The following CMTM7 variants were observed in gnomAD, a reference collection of about 807,000 sequenced individuals.
The protein encoded by CMTM7 is CKLF like MARVEL transmembrane domain containing 7.
A neutral mutation model predicts 19.3 loss-of-function variants in CMTM7; 7 were observed. That is an observed-to-expected ratio of 0.36 (90% CI 0.21 to 0.68). CMTM7 has a LOEUF of 0.68. Ranked by LOEUF, CMTM7 falls within the 30% of genes least tolerant of loss-of-function variation. The pLI, the probability that CMTM7 is intolerant of heterozygous loss-of-function variation, is 0.60. For missense variants in CMTM7, 193 were observed against 232.6 expected, an observed-to-expected ratio of 0.83 and a Z score of 1.11; for synonymous variants, 87 against 99.3, an observed-to-expected ratio of 0.88 and a Z score of 0.74.
intron 1 of CMTM7, among the ~76,000 whole-genome samples, chr3:32,413,526 C>T (rs1696211339): frequency 6.6e-6 from 1 of 152,318 alleles, no homozygotes; most frequent in Non-Finnish European, 1.5e-5. Context: ...TAATCTTCAT[C>T]TCCATTATAA....
chr3:32,391,912 G>T lies in CMTM7; in HGVS notation c.6G>T (p.Ser2=). The change falls in exon 1 of 5, where the codon TCG becomes TCT. Residue 2 remains serine (S), a synonymous_variant. Coordinates refer to ENST00000334983, the MANE Select transcript of CMTM7 (RefSeq NM_138410.4). The stretch of plus-strand genomic sequence containing the variant: ...CAGCGAGCTGGGGCCGCGCAATGTC[G>T]CACGGAGCCGGGCTCGTCCGCACCA... The part of the protein sequence containing the change: M[S]HGAGLVRTTC... 1 of 1,222,416 alleles carries T rather than the reference G, an allele frequency of 8.2e-7. No homozygotes were observed. The highest frequency in any genetic ancestry group is 1.0e-6 in the Non-Finnish European group (1 of 981,796). The allele number at this position is 1,222,416 out of a possible 1,614,324, so 75.7% of individuals were successfully genotyped here. A position where few individuals can be genotyped will look rare whatever the true frequency, so the allele number is the denominator to read the frequency against.
chr3:32,394,820 C>T (rs767754142), intron 1 of CMTM7, among the ~76,000 whole-genome samples: 2 of 151,922 alleles, frequency 1.3e-5, no homozygotes, highest in East Asian at 1.9e-4. Flanking sequence ...CTCAGCCTCA[C>T]GAGTAGCTGG....
chr3:32,396,782 G>C (rs1035267741), intron 1 of CMTM7, among the ~76,000 whole-genome samples: 1 of 152,192 alleles, frequency 6.6e-6, no homozygotes, highest in Non-Finnish European at 1.5e-5. Flanking sequence ...CAAAAGCTGG[G>C]CTGAAAGGCA....
chr3:32,396,438 C>T (rs541001103), intron 1 of CMTM7, among the ~76,000 whole-genome samples: 16 of 152,124 alleles, frequency 1.1e-4, no homozygotes, highest in African/African-American at 3.9e-4. Context: ...ATCCAGGAGG[C>T]AGAGGTTGCA....
rs147008213 is a variant in CMTM7 at position 32,400,517 on chromosome 3, C to T, written c.159+8452C>T. Among the ~76,000 whole-genome samples, 302 of 151,232 alleles carry T rather than the reference C, an allele frequency of 2.0e-3. 1 individual carries two copies. The highest frequency in any genetic ancestry group is 7.2e-3 in the African/African-American group (297 of 41,132). On this transcript the variant is annotated intron_variant, in intron 1 of 4. Coordinates refer to ENST00000334983, the MANE Select transcript of CMTM7 (RefSeq NM_138410.4). ...AAGTGATTCCCCTGCCTTAGCCTCC[C>T]GAGTAGCTGGGACTACAGATATGTG...
At chr3:32,411,854 G>A (rs376663179) in intron 1 of CMTM7, among the ~76,000 whole-genome samples, 3 of 151,248 alleles carry the variant, frequency 2.0e-5, no homozygotes, top group East Asian at 2.0e-4. Context: ...CGAGGCAGGC[G>A]GATCATTTGA....
chr3:32,416,581 G>A (rs1029630516), intron 1 of CMTM7, among the ~76,000 whole-genome samples: 1 of 151,026 alleles, frequency 6.6e-6, no homozygotes, highest in African/African-American at 2.4e-5. Context: ...TAGTAGAGAC[G>A]GGGTTTCGCC....
intron 1 of CMTM7, among the ~76,000 whole-genome samples, chr3:32,439,541 C>T (rs1415858707): frequency 6.6e-6 from 1 of 152,194 alleles, no homozygotes; most frequent in African/African-American, 2.4e-5. Context: ...GCAACCTCAA[C>T]CTCCTAGGCT....
chr3:32,404,341 G>T (rs1696059110), intron 1 of CMTM7, among the ~76,000 whole-genome samples: 1 of 151,518 alleles, frequency 6.6e-6, no homozygotes, highest in African/African-American at 2.4e-5. Flanking sequence ...TTGTAATTTT[G>T]TAGATAACGG....
intron 1 of CMTM7, among the ~76,000 whole-genome samples, chr3:32,420,794 G>A (rs567305467): frequency 5.0e-4 from 76 of 152,348 alleles, no homozygotes; most frequent in Non-Finnish European, 1.0e-3. Flanking sequence ...TCTGGGGGCA[G>A]GAGAGGGGGC....
intron 1 of CMTM7, among the ~76,000 whole-genome samples, chr3:32,396,460 T>C (rs1198132488): frequency 2.6e-5 from 4 of 151,972 alleles, no homozygotes; most frequent in African/African-American, 9.7e-5. Flanking sequence ...TGAGCTGAGA[T>C]TGCGTGACTG....
chr3:32,447,621 T>G (rs575891275), intron 2 of CMTM7, among the ~76,000 whole-genome samples: 1 of 152,354 alleles, frequency 6.6e-6, no homozygotes, highest in South Asian at 2.1e-4. Flanking sequence ...ATTAGGTGCA[T>G]ATACGTTTAT....
At chr3:32,415,987 G>A (rs1559405502) in intron 1 of CMTM7, among the ~76,000 whole-genome samples, 1 of 152,096 alleles carries the variant, frequency 6.6e-6, no homozygotes, top group Non-Finnish European at 1.5e-5. Flanking sequence ...TACATGCCAG[G>A]CCTGTGTTTT....
chr3:32,394,248 C>T (rs533217520), intron 1 of CMTM7, among the ~76,000 whole-genome samples: 3 of 152,150 alleles, frequency 2.0e-5, no homozygotes, highest in African/African-American at 7.2e-5. Flanking sequence ...CATTTGTCTT[C>T]TTTGCTGGAA....
At chr3:32,394,140 A>T (rs1008105448) in intron 1 of CMTM7, among the ~76,000 whole-genome samples, 11 of 152,196 alleles carry the variant, frequency 7.2e-5, no homozygotes, top group African/African-American at 2.7e-4. Flanking sequence ...TGGCTGTATT[A>T]GTCCTAGTTA....
Position 32,391,865 on chromosome 3 carries a change from G to A in CMTM7, c.-42G>A, listed in dbSNP as rs1695838966. On this transcript the variant is annotated 5_prime_UTR_variant, in exon 1 of 5. Transcript: ENST00000334983. The stretch of plus-strand genomic sequence containing the variant: ...GCCCGCCCTCTGTATCTGGCCCCTG[G>A]GCAGCTGCCCGGGGAGGCGGCCAGC... 1 of 1,195,084 alleles carries A rather than the reference G, an allele frequency of 8.4e-7. No individual in the cohort carries two copies. Among genetic ancestry groups the A allele is most frequent in the Admixed American group, 4.4e-5 (1 of 22,528 alleles). The allele number at this position is 1,195,084 out of a possible 1,614,324, so 74.0% of individuals were successfully genotyped here.
chr3:32,454,559 C>G lies in CMTM7; in HGVS notation c.*305C>G, dbSNP rs992654218. ...CCACCTCAGGTACTGATGAACCCCA[C>G]TTAGCACAGCTGAAGGGGTTTGTGA... On this transcript the variant is annotated 3_prime_UTR_variant, in exon 5 of 5. Transcript: ENST00000334983. 3.3e-5 allele frequency: 20 copies of G among 612,646 alleles called. No individual in the cohort carries two copies. Among genetic ancestry groups the G allele is most frequent in the African/African-American group, 3.1e-4 (17 of 55,380 alleles). 38.0% of individuals were successfully genotyped at this position (612,646 alleles called of 1,614,324 possible).
At chr3:32,416,428 G>T in intron 1 of CMTM7, among the ~76,000 whole-genome samples, 1 of 89,626 alleles carries the variant, frequency 1.1e-5, no homozygotes, top group Non-Finnish European at 2.1e-5. Context: ...CCCCCAGGCC[G>T]GACTGCGGAC....
intron 2 of CMTM7, among the ~76,000 whole-genome samples, chr3:32,448,539 G>A (rs1051666543): frequency 6.6e-6 from 1 of 152,192 alleles, no homozygotes; most frequent in Non-Finnish European, 1.5e-5. Flanking sequence ...AGTTCTTCTC[G>A]GATCTGATGT....
Sources: allele counts gnomAD v4.1 joint callset (sites outside exome capture counted in the v4.1 genomes callset), GRCh38; gene constraint gnomAD v4.1.1; transcripts MANE v1.5; gene names NCBI Gene and HGNC (gene_info 2026-07-23, HGNC 2026-07-21).